Variants in TBC1D5 observed in about 807,000 individuals in gnomAD.
TBC1D5 encodes TBC1 domain family, member 5.
Under a neutral mutation model 100.3 loss-of-function variants are expected in TBC1D5, and 75 were observed. That is an observed-to-expected ratio of 0.75 (90% CI 0.62 to 0.91). The LOEUF (loss-of-function observed/expected upper bound fraction) is 0.91. Among genes scored for constraint, TBC1D5 ranks in the 40% least tolerant of loss-of-function variants. TBC1D5 has a pLI of 0.00. For synonymous variants in TBC1D5, 323 were observed against 325.6 expected (o/e 0.99, Z 0.09); for missense variants, 910 against 942.4 (o/e 0.97, Z 0.45).
At chr3:17,294,913 A>G (rs1365581083) in intron 14 of TBC1D5, among the ~76,000 whole-genome samples, 1 of 152,244 alleles carries the variant, frequency 6.6e-6, no homozygotes, top group African/African-American at 2.4e-5. Context: ...TTTAAAAACA[A>G]ACTAGTAAGG....
chr3:17,702,815 A>G (rs1049598261), intron 1 of TBC1D5, among the ~76,000 whole-genome samples: 2 of 152,164 alleles, frequency 1.3e-5, no homozygotes, highest in African/African-American at 4.8e-5. Flanking sequence ...AGTGATTAAA[A>G]CTTCCATCAG....
At chr3:17,714,795 C>G (rs1037627881) in intron 1 of TBC1D5, among the ~76,000 whole-genome samples, 1 of 152,108 alleles carries the variant, frequency 6.6e-6, no homozygotes, top group African/African-American at 2.4e-5. Context: ...GAGACCCCAT[C>G]TCTTAAAAAA....
chr3:17,520,970 T>C (rs900196381), intron 2 of TBC1D5, among the ~76,000 whole-genome samples: 4 of 152,130 alleles, frequency 2.6e-5, no homozygotes, highest in Non-Finnish European at 5.9e-5. Flanking sequence ...ATCTGATTGT[T>C]ACTGGAAAAA....
At chr3:17,605,853 T>C (rs989067185) in intron 2 of TBC1D5, among the ~76,000 whole-genome samples, 4 of 152,212 alleles carry the variant, frequency 2.6e-5, no homozygotes, top group Non-Finnish European at 1.5e-5. Context: ...GTGTAATAAA[T>C]GTTTTCATAA....
intron 1 of TBC1D5, among the ~76,000 whole-genome samples, chr3:17,625,786 T>C (rs9839588): frequency 0.51 from 77,612 of 151,816 alleles, 21,651 homozygotes; most frequent in African/African-American, 0.72. Context: ...AAAAAAATAA[T>C]GTATCTATGC....
At chr3:17,688,074 A>T (rs2070570196) in intron 1 of TBC1D5, among the ~76,000 whole-genome samples, 1 of 152,228 alleles carries the variant, frequency 6.6e-6, no homozygotes, top group Non-Finnish European at 1.5e-5. Flanking sequence ...ATTTAGGGAT[A>T]ATCTTAGAAT....
In TBC1D5 at chr3:17,236,775, C is replaced by T. The variant is rs187743946; in HGVS notation, c.1588+1388G>A. On this transcript the variant is annotated intron_variant, in intron 17 of 21. Transcript: ENST00000253692. ...GATTACATGCGTGAACCACCATGCC[C>T]GATATATTCTTATGCATGGTAATTT... is the stretch of plus-strand genomic sequence containing the variant. Among the ~76,000 whole-genome samples, 240 of 151,918 alleles carry T rather than the reference C, an allele frequency of 1.6e-3. 2 individuals carry two copies. Among genetic ancestry groups the T allele is most frequent in the Non-Finnish European group, 2.6e-3 (180 of 67,968 alleles).
chr3:17,364,335 A>C (rs1329673105), intron 13 of TBC1D5, among the ~76,000 whole-genome samples: 1 of 151,980 alleles, frequency 6.6e-6, no homozygotes, highest in East Asian at 1.9e-4. Flanking sequence ...CTCAAAAATT[A>C]TTTGCTGAGT....
At chr3:17,310,192 A>T (rs532844850) in intron 13 of TBC1D5, among the ~76,000 whole-genome samples, 2 of 151,998 alleles carry the variant, frequency 1.3e-5, no homozygotes, top group Non-Finnish European at 2.9e-5. Flanking sequence ...ACCCTTCTTG[A>T]CTCTGAAGAT....
At chr3:17,382,045 T>G (rs1047930616) in intron 9 of TBC1D5, among the ~76,000 whole-genome samples, 1 of 151,994 alleles carries the variant, frequency 6.6e-6, no homozygotes, top group African/African-American at 2.4e-5. Context: ...TTTATAGAAG[T>G]TTTAATATCT....
At chr3:17,521,940 C>T (rs1236039851) in intron 2 of TBC1D5, among the ~76,000 whole-genome samples, 1 of 152,004 alleles carries the variant, frequency 6.6e-6, no homozygotes, top group Non-Finnish European at 1.5e-5. Flanking sequence ...GATGAGCTTA[C>T]TTGCTGATGG....
At chr3:17,332,004 G>A (rs1306128211) in intron 13 of TBC1D5, among the ~76,000 whole-genome samples, 4 of 152,202 alleles carry the variant, frequency 2.6e-5, no homozygotes. Context: ...TGCTCTTGGA[G>A]GGTTTGAGCA....
At chr3:17,680,929 T>A (rs1397494003) in intron 1 of TBC1D5, among the ~76,000 whole-genome samples, 1 of 151,442 alleles carries the variant, frequency 6.6e-6, no homozygotes, top group Non-Finnish European at 1.5e-5. Flanking sequence ...CAGAAAGAGA[T>A]TTGAAACACT....
intron 4 of TBC1D5, among the ~76,000 whole-genome samples, chr3:17,413,662 T>C (rs2093993940): frequency 6.6e-6 from 1 of 152,172 alleles, no homozygotes; most frequent in Non-Finnish European, 1.5e-5. Context: ...GACTAATAAA[T>C]TACTAAATTA....
At chr3:17,611,285 G>A (rs1192863384) in intron 2 of TBC1D5, among the ~76,000 whole-genome samples, 1 of 152,134 alleles carries the variant, frequency 6.6e-6, no homozygotes, top group Non-Finnish European at 1.5e-5. Context: ...GATCTCAGAA[G>A]ACAAGTGTTG....
intron 2 of TBC1D5, among the ~76,000 whole-genome samples, chr3:17,619,732 T>C (rs2062492472): frequency 6.6e-6 from 1 of 152,078 alleles, no homozygotes; most frequent in Admixed American, 6.5e-5. Context: ...AGTACAGATA[T>C]AAAATTTCGC....
At chr3:17,253,393 G>C (rs184290724) in intron 16 of TBC1D5, among the ~76,000 whole-genome samples, 64 of 152,290 alleles carry the variant, frequency 4.2e-4, no homozygotes, top group Non-Finnish European at 8.2e-4. Context: ...TTTCTGAAGA[G>C]AGTTGTTAAT....
intron 3 of TBC1D5, among the ~76,000 whole-genome samples, chr3:17,440,156 C>T (rs921800737): frequency 6.6e-6 from 1 of 152,090 alleles, no homozygotes; most frequent in African/African-American, 2.4e-5. Flanking sequence ...TGCACAATGA[C>T]AACTTTGAAA....
chr3:17,570,093 C>A (rs575383786), intron 2 of TBC1D5, among the ~76,000 whole-genome samples: 1 of 151,962 alleles, frequency 6.6e-6, no homozygotes, highest in Admixed American at 6.6e-5. Context: ...CTGTGACTCT[C>A]AGAGACTTAG....
Sources: gnomAD v4.1 joint callset for allele counts (sites outside exome capture counted in the v4.1 genomes callset) on GRCh38, gnomAD v4.1.1 for gene constraint, MANE v1.5 for transcripts, NCBI Gene and HGNC (gene_info 2026-07-23, HGNC 2026-07-21) for gene names.